The following DMD variants were observed in gnomAD, a reference collection of about 807,000 sequenced individuals.
DMD encodes the protein dystrophin, also known as mutant dystrophin.
A neutral mutation model predicts 330.1 loss-of-function variants in DMD; 63 were observed. The observed-to-expected ratio is 0.19, with a 90% CI of 0.16 to 0.24. DMD has a LOEUF of 0.24. Ranked by LOEUF, DMD falls within the 10% of genes least tolerant of loss-of-function variation. DMD has a pLI of 1.00. For missense variants in DMD, 3,344 were observed against 2,684.1 expected (o/e 1.25, Z -5.43); for synonymous variants, 1,223 against 959.8 (o/e 1.27, Z -5.07).
chrX:32,395,928 T>C (rs1310065735), intron 30 of DMD, among the ~76,000 whole-genome samples: 1 of 111,407 alleles, frequency 9.0e-6, no homozygotes, highest in East Asian at 2.8e-4. Flanking sequence ...TAAACCAGCA[T>C]TTAATTTTCT....
intron 63 of DMD, among the ~76,000 whole-genome samples, chrX:31,238,274 C>T (rs775151932): frequency 9.0e-6 from 1 of 111,311 alleles, no homozygotes; most frequent in Non-Finnish European, 1.9e-5. Context: ...CCTTTCTCTG[C>T]CTCTCTGTTT....
At chrX:31,582,811 T>C (rs1375236624) in intron 55 of DMD, among the ~76,000 whole-genome samples, 1 of 111,582 alleles carries the variant, frequency 9.0e-6, no homozygotes, top group Non-Finnish European at 1.9e-5. Flanking sequence ...CCTGAAACCA[T>C]AGAGAATCAT....
At chrX:31,940,369 T>C (rs771162300) in intron 45 of DMD, among the ~76,000 whole-genome samples, 1 of 111,726 alleles carries the variant, frequency 9.0e-6, no homozygotes, top group African/African-American at 3.3e-5. Context: ...TTGCCATTAG[T>C]TTGGCTACAT....
chrX:31,448,821 A>C (rs2065479203), intron 59 of DMD, among the ~76,000 whole-genome samples: 1 of 112,248 alleles, frequency 8.9e-6, no homozygotes, highest in Non-Finnish European at 1.9e-5. Flanking sequence ...TCAGTTCATT[A>C]AATGTTGTCT....
intron 4 of DMD, among the ~76,000 whole-genome samples, chrX:32,843,621 T>C (rs1385336717): frequency 8.9e-6 from 1 of 112,305 alleles, no homozygotes; most frequent in Non-Finnish European, 1.9e-5. Flanking sequence ...AATCTATCCC[T>C]GCTTATGGTT....
intron 44 of DMD, among the ~76,000 whole-genome samples, chrX:32,114,251 C>T (rs1299913568): frequency 1.8e-5 from 2 of 111,904 alleles, no homozygotes; most frequent in Non-Finnish European, 3.8e-5. Context: ...ACATAATCTA[C>T]ATCAGATTTC....
intron 62 of DMD, among the ~76,000 whole-genome samples, chrX:31,314,742 C>CAGAGAGAGAGAGAG (rs199994602): frequency 1.8e-4 from 10 of 55,281 alleles, no homozygotes; most frequent in African/African-American, 7.6e-4. Flanking sequence ...AATACATACA[C>CAGAGAGAGAGAGAG]AGAGAGAGAG....
In DMD at chrX:31,838,031, T is replaced by C. The variant is rs185632374; in HGVS notation, c.7099-1212A>G. 2.2e-4 allele frequency among the ~76,000 whole-genome samples: 25 copies of C among 112,170 alleles called. 1 individual carries two copies. The Admixed American group carries it at 2.3e-3, about 10-fold the overall frequency. On this transcript the variant is annotated intron_variant, in intron 48 of 78. Coordinates refer to ENST00000357033, the MANE Select transcript of DMD (RefSeq NM_004006.3). Reference sequence around the variant, plus strand: ...CTTTACATGAAGAACTATTAATTGATGGTCTTACTGCCCCTTGCCAAGAAA... The same window carrying C: ...CTTTACATGAAGAACTATTAATTGACGGTCTTACTGCCCCTTGCCAAGAAA...
intron 2 of DMD, among the ~76,000 whole-genome samples, chrX:33,008,203 G>A (rs1475548104): frequency 1.8e-5 from 2 of 111,217 alleles, no homozygotes; most frequent in African/African-American, 6.5e-5. Flanking sequence ...AGCTAAATTA[G>A]GATACAAATA....
At position 31,811,388 on chromosome X, in the gene DMD, G is replaced by A. The variant is rs772508375; in HGVS notation, c.7309+8587C>T. On this transcript the variant is annotated intron_variant, in intron 50 of 78. Transcript: ENST00000357033. The stretch of plus-strand genomic sequence containing the variant: ...TTCTGATGAGTGTGAGAAGTGCTGG[G>A]GCCTCACCAGCCAGGGCTTTCTGTT... Among the ~76,000 whole-genome samples, 4 of 111,767 alleles carry A rather than the reference G, an allele frequency of 3.6e-5. No individual in the cohort carries two copies. In the South Asian group the frequency reaches 1.5e-3, roughly 42 times the overall value.
At chrX:32,817,127 CTG>C (rs1428848823) in intron 5 of DMD, among the ~76,000 whole-genome samples, 1 of 111,759 alleles carries the variant, frequency 8.9e-6, no homozygotes, top group African/African-American at 3.3e-5. Flanking sequence ...GGCCTCATTT[CTG>C]TGTATCTTAC....
At chrX:33,331,225 G>A (rs2054170814) in intron 1 of DMD, among the ~76,000 whole-genome samples, 1 of 111,693 alleles carries the variant, frequency 9.0e-6, no homozygotes, top group South Asian at 3.8e-4. Flanking sequence ...GCCCATGAAT[G>A]GGTCAGCAGC....
At position 32,805,212 on chromosome X, in the gene DMD, T is replaced by C. The variant is rs774118035; in HGVS notation, c.649+4281A>G. Among the ~76,000 whole-genome samples the C allele has an allele frequency of 9.0e-5, 10 of 111,521 alleles. No homozygotes were observed. In the South Asian group the frequency reaches 3.8e-3, roughly 42 times the overall value. On this transcript the variant is annotated intron_variant, in intron 7 of 78. Transcript: ENST00000357033. ...ACCCAATGGAAGGAAGCTAAGAACCTTGAAAAAAGGTTAGAGGAGTTGCTA... is the reference window on the plus strand; with the variant it reads ...ACCCAATGGAAGGAAGCTAAGAACCCTGAAAAAAGGTTAGAGGAGTTGCTA...
Position 31,627,862 on chromosome X carries a change from C to T in DMD, c.8028G>A (p.Arg2676=), listed in dbSNP as rs1237546420. 1.2e-5 allele frequency: 15 copies of T among 1,205,134 alleles called. No individual in the cohort carries two copies. The highest frequency in any genetic ancestry group is 1.7e-5 in the Non-Finnish European group (15 of 891,532). The change falls in exon 55 of 79, where the codon AGG becomes AGA. Residue 2676 remains arginine, a splice_region_variant and synonymous_variant. Transcript: ENST00000357033. ...INASWRSIHK[R]VSEREAALEE... ...CCAAAGCAGCCTCTCGCTCACTCAC[C>T]CTGCAAAGGACCAAATGTTCAGATG...
At chrX:32,508,045 G>C (rs1000172945) in intron 18 of DMD, among the ~76,000 whole-genome samples, 3 of 110,197 alleles carry the variant, frequency 2.7e-5, no homozygotes, top group Admixed American at 9.8e-5. Flanking sequence ...TTATAGTTTG[G>C]ATGTATTAGG....
At position 33,009,448 on chromosome X, in the gene DMD, A is replaced by G. The variant is rs182644669; in HGVS notation, c.93+10691T>C. ...TATATGTATGTGTATACACATATGT[A>G]TGTATGTGTATACACATATGTGTGT... On this transcript the variant is annotated intron_variant, in intron 2 of 78. Coordinates refer to ENST00000357033, the MANE Select transcript of DMD (RefSeq NM_004006.3). 9.9e-3 allele frequency among the ~76,000 whole-genome samples: 303 copies of G among 30,579 alleles called. 15 individuals are homozygous for G. The highest frequency in any genetic ancestry group is 0.014 in the Non-Finnish European group (226 of 16,548). The allele number at this position is 30,579 out of a possible 115,157, so 26.6% of individuals were successfully genotyped here. A position where few individuals can be genotyped will look rare whatever the true frequency, so the allele number is the denominator to read the frequency against.
At chrX:32,950,927 T>C (rs2091208734) in intron 2 of DMD, among the ~76,000 whole-genome samples, 1 of 111,377 alleles carries the variant, frequency 9.0e-6, no homozygotes, top group African/African-American at 3.3e-5. Flanking sequence ...CAATTAAGTT[T>C]TCTTTTGTCC....
intron 2 of DMD, among the ~76,000 whole-genome samples, chrX:32,855,088 C>A (rs937467221): frequency 8.9e-6 from 1 of 111,797 alleles, no homozygotes; most frequent in Admixed American, 9.5e-5. Context: ...CATATCATTT[C>A]AATAGATGCT....
chrX:32,012,253 G>A (rs185434534), intron 44 of DMD, among the ~76,000 whole-genome samples: 1 of 112,209 alleles, frequency 8.9e-6, no homozygotes, highest in East Asian at 2.8e-4. Context: ...AAGGTTTGAG[G>A]TGAGACGATA....
Sources: allele counts gnomAD v4.1 joint callset (sites outside exome capture counted in the v4.1 genomes callset), GRCh38; gene constraint gnomAD v4.1.1; transcripts MANE v1.5; gene names NCBI Gene and HGNC (gene_info 2026-07-23, HGNC 2026-07-21).